The following RIPOR3 variants were observed in gnomAD, a reference collection of about 807,000 sequenced individuals.
RIPOR3 encodes the protein RIPOR family member 3.
A neutral mutation model predicts 114.3 loss-of-function variants in RIPOR3; 95 were observed. The ratio of observed to expected loss-of-function variants is 0.83; its 90% CI spans 0.70 to 0.99. The LOEUF is 0.99. Among genes scored for constraint, RIPOR3 ranks in the 50% least tolerant of loss-of-function variants. The pLI is 0.00. For synonymous variants in RIPOR3, 575 were observed against 543.8 expected (o/e 1.06, Z -0.80); for missense variants, 1,252 against 1,266.9 (o/e 0.99, Z 0.18).
intron 1 of RIPOR3, among the ~76,000 whole-genome samples, chr20:50,678,421 C>T (rs963413318): frequency 6.6e-6 from 1 of 152,186 alleles, no homozygotes; most frequent in East Asian, 1.9e-4. Context: ...ACCCCACAGG[C>T]CTGTTTGCAT....
At chr20:50,630,999 G>C in intron 1 of RIPOR3, 143 bp from the exon 2 acceptor site, 1 of 667,304 alleles carries the variant, frequency 1.5e-6, no homozygotes, top group South Asian at 1.9e-5. Flanking sequence ...CAGCTCACAG[G>C]TCAGCAAGCT....
At chr20:50,678,220 G>A (rs1235106112) in intron 1 of RIPOR3, among the ~76,000 whole-genome samples, 2 of 152,300 alleles carry the variant, frequency 1.3e-5, no homozygotes, top group Non-Finnish European at 2.9e-5. Context: ...CAAAAAATGG[G>A]CAGAGCCCAC....
rs750533245 is a variant in RIPOR3 at position 50,604,651 on chromosome 20, G to T, written c.1080C>A (p.Tyr360Ter). 6.2e-7 allele frequency: 1 copy of T among 1,607,472 alleles called. No homozygotes were observed. Among genetic ancestry groups the T allele is most frequent in the Non-Finnish European group, 8.5e-7 (1 of 1,177,470 alleles). The change falls in exon 12 of 22, where the codon TAC becomes TAA. Residue 360 changes from tyrosine to a stop codon, truncating the protein, a stop_gained. Transcript: ENST00000327979. LOFTEE classifies it high-confidence loss of function. ...PPSTPSFRER[Y>*]YLSVLQQPTQ... ...CCCGGGAAGGCTCACTCACCAGGTA[G>T]TATCTCTCCCGGAAGCTGGGGGTGC...
At chr20:50,589,791 TGA>T in intron 19 of RIPOR3, 22 bp from the exon 20 acceptor site, 1 of 1,607,572 alleles carries the variant, frequency 6.2e-7, no homozygotes, top group Non-Finnish European at 8.5e-7. Flanking sequence ...AAGGAGGCTG[TGA>T]ATGGAGGGGT....
chr20:50,599,404 A>G (rs892169442), intron 13 of RIPOR3, among the ~76,000 whole-genome samples: 2 of 145,448 alleles, frequency 1.4e-5, no homozygotes, highest in Non-Finnish European at 3.0e-5. Flanking sequence ...AAAAAAAAGG[A>G]AAAAAAAAAG....
At chr20:50,635,817 G>T (rs1477100155) in intron 1 of RIPOR3, among the ~76,000 whole-genome samples, 1 of 152,236 alleles carries the variant, frequency 6.6e-6, no homozygotes, top group Non-Finnish European at 1.5e-5. Context: ...CTGGCTTCGG[G>T]ACTCCGCTGT....
intron 1 of RIPOR3, among the ~76,000 whole-genome samples, chr20:50,663,072 G>C (rs925559772): frequency 2.0e-4 from 30 of 149,370 alleles, no homozygotes; most frequent in African/African-American, 6.4e-4. Context: ...ACTCCAGCCC[G>C]GGTGACAGAG....
At chr20:50,679,725 C>T (rs541282088) in intron 1 of RIPOR3, among the ~76,000 whole-genome samples, 118 of 150,384 alleles carry the variant, frequency 7.8e-4, no homozygotes, top group Non-Finnish European at 1.4e-3. Flanking sequence ...GCCGAGATCG[C>T]GCCACTGCAC....
chr20:50,600,230 T>G (rs2083446247), intron 13 of RIPOR3, among the ~76,000 whole-genome samples: 1 of 152,078 alleles, frequency 6.6e-6, no homozygotes, highest in Non-Finnish European at 1.5e-5. Context: ...TGCATAAATG[T>G]GTGTGTGTGT....
At position 50,609,606 on chromosome 20, in the gene RIPOR3, C is replaced by T. The variant is rs1392496421; in HGVS notation, c.543G>A (p.Gln181=). 1 of 1,416,658 alleles carries T rather than the reference C, an allele frequency of 7.1e-7. No individual in the cohort carries two copies. Among genetic ancestry groups the T allele is most frequent in the South Asian group, 1.6e-5 (1 of 63,866 alleles). 87.8% of individuals were successfully genotyped at this position (1,416,658 alleles called of 1,614,324 possible). Residue 181 remains glutamine, a synonymous_variant, in exon 7 of 22, where the codon CAG becomes CAA. Coordinates refer to ENST00000327979, the MANE Select transcript of RIPOR3 (RefSeq NM_001290268.2). ...ACTCGTGCAGGCTGCGGCCCAGCTC[C>T]TGCAGGCTCTCTCGGGCTGCGCGGC... ...PPSRAARESL[Q]ELGRSLHECA... is the part of the protein sequence containing the mutation.
Position 50,604,784 on chromosome 20 carries a change from A to G in RIPOR3, c.957-10T>C, listed in dbSNP as rs774871396. 1 of 1,606,468 alleles carries G rather than the reference A, an allele frequency of 6.2e-7. No homozygotes were observed. Among genetic ancestry groups the G allele is most frequent in the Non-Finnish European group, 8.5e-7 (1 of 1,177,578 alleles). ...CTCAGTATCAAACGGGCTGGAGGAG[A>G]GAACAGAAGGTCAGGATGCCATCGG... is the stretch of plus-strand genomic sequence containing the variant. On this transcript the variant is annotated splice_polypyrimidine_tract_variant and intron_variant, in intron 11 of 21. Coordinates refer to ENST00000327979, the MANE Select transcript of RIPOR3 (RefSeq NM_001290268.2).
intron 2 of RIPOR3, among the ~76,000 whole-genome samples, chr20:50,626,058 G>T (rs2084607300): frequency 6.6e-6 from 1 of 152,240 alleles, no homozygotes; most frequent in Admixed American, 6.5e-5. Context: ...CTCCTGCCAG[G>T]TTGTTTGCCT....
chr20:50,611,123 C>T (rs1270842146), intron 5 of RIPOR3, 58 bp downstream of exon 5: 1 of 1,613,086 alleles, frequency 6.2e-7, no homozygotes, highest in African/African-American at 1.3e-5. Flanking sequence ...TGCAATGAGG[C>T]ACAGTCATTC....
intron 11 of RIPOR3, among the ~76,000 whole-genome samples, chr20:50,607,260 G>A (rs1028446742): frequency 6.6e-6 from 1 of 152,190 alleles, no homozygotes; most frequent in African/African-American, 2.4e-5. Flanking sequence ...AAAGGGGTGC[G>A]CTTACAGAAG....
intron 1 of RIPOR3, among the ~76,000 whole-genome samples, chr20:50,651,905 T>C (rs1233682204): frequency 6.6e-6 from 1 of 152,224 alleles, no homozygotes; most frequent in Non-Finnish European, 1.5e-5. Context: ...ATCAGGAACC[T>C]GAACAGAAAA....
intron 1 of RIPOR3, among the ~76,000 whole-genome samples, chr20:50,678,524 A>G (rs2086750825): frequency 6.6e-6 from 1 of 152,210 alleles, no homozygotes; most frequent in African/African-American, 2.4e-5. Context: ...CATGGGGTTC[A>G]CATACCTTAA....
At chr20:50,608,834 A>T in intron 9 of RIPOR3, 78 bp downstream of exon 9, 1 of 1,611,526 alleles carries the variant, frequency 6.2e-7, no homozygotes, top group Non-Finnish European at 8.5e-7. Flanking sequence ...CCCAGCTGCA[A>T]CCCTGGTTCC....
intron 2 of RIPOR3, among the ~76,000 whole-genome samples, chr20:50,623,650 G>A (rs1362664293): frequency 6.6e-6 from 1 of 151,928 alleles, no homozygotes; most frequent in Non-Finnish European, 1.5e-5. Context: ...TCTCTGTAGA[G>A]CAGAGAAACT....
At chr20:50,590,399 C>G (rs555770716) in intron 19 of RIPOR3, among the ~76,000 whole-genome samples, 131 of 152,360 alleles carry the variant, frequency 8.6e-4, no homozygotes, top group African/African-American at 2.9e-3. Flanking sequence ...CAAAGGGAAA[C>G]CCAGGAGTGG....
Sources: gnomAD v4.1 joint callset for allele counts (sites outside exome capture counted in the v4.1 genomes callset) on GRCh38, gnomAD v4.1.1 for gene constraint, MANE v1.5 for transcripts, NCBI Gene and HGNC (gene_info 2026-07-23, HGNC 2026-07-21) for gene names.